Variants in PRKN observed in about 807,000 individuals in gnomAD.
PRKN encodes the protein parkin RBR E3 ubiquitin protein ligase, also known as E3 ubiquitin-protein ligase parkin.
PRKN carries 56 observed loss-of-function variants against 59.5 expected under a neutral mutation model. That is an observed-to-expected ratio of 0.94 (90% CI 0.76 to 1.18). The LOEUF (loss-of-function observed/expected upper bound fraction) is 1.18, where lower values mean the gene tolerates loss of function less well. PRKN is among the 50% of genes most tolerant of loss of function. The pLI is 0.00. For synonymous variants in PRKN, 250 were observed against 222.1 expected (o/e 1.13, Z -1.12); for missense variants, 657 against 596.4 (o/e 1.10, Z -1.06).
At position 161,560,535 on chromosome 6, in the gene PRKN, A is replaced by T. The variant is rs1241588767; in HGVS notation, c.933+8820T>A. 6.6e-6 allele frequency among the ~76,000 whole-genome samples: 1 copy of T among 152,066 alleles called. No homozygotes were observed. Among genetic ancestry groups the T allele is most frequent in the Non-Finnish European group, 1.5e-5 (1 of 68,022 alleles). Reference sequence around the variant, plus strand: ...TCTCACCTTTTCTCCGATTCTTGTCATCATTCTGGGGACTTGAACTCCTGT... The same window carrying T: ...TCTCACCTTTTCTCCGATTCTTGTCTTCATTCTGGGGACTTGAACTCCTGT... On this transcript the variant is annotated intron_variant, in intron 8 of 11. Transcript: ENST00000366898. The surrounding 1 kb of genome is among the most constrained non-coding windows in gnomAD (Gnocchi z 4.9).
intron 2 of PRKN, among the ~76,000 whole-genome samples, chr6:162,372,177 G>T (rs1174721882): frequency 6.6e-6 from 1 of 152,180 alleles, no homozygotes; most frequent in African/African-American, 2.4e-5. Flanking sequence ...GAGAAAACAA[G>T]GATTACAGAT....
chr6:162,298,622 C>A (rs1781795925), intron 2 of PRKN, among the ~76,000 whole-genome samples: 1 of 144,486 alleles, frequency 6.9e-6, no homozygotes, highest in Non-Finnish European at 1.5e-5. Context: ...CCCCACCACC[C>A]CCCACCCCCC....
At chr6:162,093,876 A>G (rs1454673382) in intron 4 of PRKN, among the ~76,000 whole-genome samples, 6 of 152,212 alleles carry the variant, frequency 3.9e-5, no homozygotes, top group Non-Finnish European at 8.8e-5. Context: ...TGCTGAGCAC[A>G]TGCAGACTCA....
rs1013135841 is a variant in PRKN at position 162,056,951 on chromosome 6, C to A, written c.535-2777G>T. ...CTGCGGTTTCCTCTAAACTCCTCCC[C>A]CTGGGCCTTTTCCCCTCGCTTCATA... On this transcript the variant is annotated intron_variant, in intron 4 of 11. Transcript: ENST00000366898. The surrounding 1 kb of genome is among the most constrained non-coding windows in gnomAD (Gnocchi z 4.9). Among the ~76,000 whole-genome samples, 3 of 152,154 alleles carry A rather than the reference C, an allele frequency of 2.0e-5. No homozygotes were observed. Among genetic ancestry groups the A allele is most frequent in the Non-Finnish European group, 4.4e-5 (3 of 68,038 alleles).
chr6:161,958,312 T>C (rs905725368), intron 6 of PRKN, among the ~76,000 whole-genome samples: 3 of 152,342 alleles, frequency 2.0e-5, no homozygotes, highest in South Asian at 2.1e-4. Context: ...TCTCTTCTTA[T>C]GCCTGGGAAA....
intron 3 of PRKN, among the ~76,000 whole-genome samples, chr6:162,245,913 G>T (rs1167165649): frequency 6.6e-6 from 1 of 152,108 alleles, no homozygotes; most frequent in African/African-American, 2.4e-5. Context: ...ATCTCTTGGT[G>T]ACCTCAGATC....
rs9968901 is a variant in PRKN, at chr6:161,552,922, C to G, written c.934-3919G>C. On this transcript the variant is annotated intron_variant, in intron 8 of 11. Coordinates refer to ENST00000366898, the MANE Select transcript of PRKN (RefSeq NM_004562.3). The surrounding 1 kb of genome is among the most constrained non-coding windows in gnomAD (Gnocchi z 4.9). ...TCTCCTGCCTCAGCCTCCCGAGTAG[C>G]TGGGACTACAGGTGTGTACCACCAC... 0.02 allele frequency among the ~76,000 whole-genome samples: 3,067 copies of G among 152,006 alleles called. 106 individuals are homozygous for G. The highest frequency in any genetic ancestry group is 0.069 in the African/African-American group (2,875 of 41,454).
chr6:162,620,215 G>A (rs556584329), intron 1 of PRKN, among the ~76,000 whole-genome samples: 4 of 152,056 alleles, frequency 2.6e-5, no homozygotes, highest in Non-Finnish European at 2.9e-5. Flanking sequence ...ATAACTTCAA[G>A]TAATATATAT....
Position 161,866,386 on chromosome 6 carries a change from C to T in PRKN, c.735-80478G>A, listed in dbSNP as rs529006459. Among the ~76,000 whole-genome samples the T allele has an allele frequency of 9.2e-5, 14 of 152,090 alleles. No individual in the cohort carries two copies. In the South Asian group the frequency reaches 1.7e-3, roughly 18 times the overall value. Reference sequence around the variant, plus strand: ...GTCAGGAGATTGAGACCATCCTGGCCAACACAGTGAAACCCTGTCTCTACT... The same window carrying T: ...GTCAGGAGATTGAGACCATCCTGGCTAACACAGTGAAACCCTGTCTCTACT... On this transcript the variant is annotated intron_variant, in intron 6 of 11. Coordinates refer to ENST00000366898, the MANE Select transcript of PRKN (RefSeq NM_004562.3).
intron 4 of PRKN, among the ~76,000 whole-genome samples, chr6:162,074,630 TATA>T (rs113190212): frequency 4.1e-3 from 36 of 8,862 alleles, no homozygotes; most frequent in African/African-American, 0.025. Flanking sequence ...AAAGTATATA[TATA>T]AAAAAAAGTC....
chr6:162,609,915 AAAC>A (rs1782076277), intron 1 of PRKN, among the ~76,000 whole-genome samples: 1 of 152,298 alleles, frequency 6.6e-6, no homozygotes, highest in South Asian at 2.1e-4. Flanking sequence ...ATTAAGTAAA[AAAC>A]AACATTAGGG....
chr6:161,758,327 A>G (rs6941334), intron 7 of PRKN, among the ~76,000 whole-genome samples: 130,338 of 152,102 alleles, frequency 0.86, 56,185 homozygotes, highest in East Asian at 0.98. Flanking sequence ...CAAGCCCAGC[A>G]TTCATCAGCA....
chr6:161,398,044 G>A (rs1208712266), intron 9 of PRKN, among the ~76,000 whole-genome samples: 2 of 152,184 alleles, frequency 1.3e-5, no homozygotes, highest in African/African-American at 4.8e-5. Context: ...AAGTCCCAGA[G>A]AAAGTCGAGG....
intron 2 of PRKN, among the ~76,000 whole-genome samples, chr6:162,352,285 T>G (rs1379651547): frequency 6.6e-6 from 1 of 152,154 alleles, no homozygotes; most frequent in African/African-American, 2.4e-5. Flanking sequence ...ACGTAGTCTA[T>G]GAAGCAGAAA....
intron 6 of PRKN, among the ~76,000 whole-genome samples, chr6:161,839,169 T>C (rs1265424157): frequency 2.0e-5 from 3 of 151,950 alleles, no homozygotes; most frequent in Non-Finnish European, 2.9e-5. Context: ...TGAGGTGGCA[T>C]TGGAGATATG....
At chr6:162,146,976 C>T (rs1292831885) in intron 4 of PRKN, among the ~76,000 whole-genome samples, 7 of 151,696 alleles carry the variant, frequency 4.6e-5, no homozygotes, top group African/African-American at 7.2e-5. Context: ...GGTGATCCAC[C>T]GGCCTCGGCC....
intron 7 of PRKN, among the ~76,000 whole-genome samples, chr6:161,657,288 G>A (rs1357972620): frequency 1.3e-5 from 2 of 152,082 alleles, no homozygotes; most frequent in Non-Finnish European, 2.9e-5. Flanking sequence ...TAGATTTCTG[G>A]GACAGTCTTC....
chr6:161,619,712 C>T (rs1782823726), intron 7 of PRKN, among the ~76,000 whole-genome samples: 1 of 152,100 alleles, frequency 6.6e-6, no homozygotes, highest in Non-Finnish European at 1.5e-5. Context: ...TAGAACTGTA[C>T]CCTCCAATAT....
In PRKN at chr6:162,559,106, G is replaced by A. The variant is rs369411954; in HGVS notation, c.8-115633C>T. ...GCGGAGCTTGTAGTGAGCCAAGATC[G>A]TGCCACTGCACTCCTGCCTGGGCGA... is the stretch of plus-strand genomic sequence containing the variant. On this transcript the variant is annotated intron_variant, in intron 1 of 11. Coordinates refer to ENST00000366898, the MANE Select transcript of PRKN (RefSeq NM_004562.3). 7.5e-4 allele frequency among the ~76,000 whole-genome samples: 105 copies of A among 139,118 alleles called. No individual in the cohort carries two copies. The East Asian group carries it at 0.011, about 14-fold the overall frequency. 91.3% of individuals were successfully genotyped at this position (139,118 alleles called of 152,430 possible). A position where few individuals can be genotyped will look rare whatever the true frequency, so the allele number is the denominator to read the frequency against.
Sources: gnomAD v4.1 joint callset for allele counts (sites outside exome capture counted in the v4.1 genomes callset) on GRCh38, gnomAD v4.1.1 for gene constraint, Gnocchi (gnomAD v3.1) non-coding constraint, MANE v1.5 for transcripts, NCBI Gene and HGNC (gene_info 2026-07-23, HGNC 2026-07-21) for gene names.